KIF26B: variants seen among roughly 807,000 people sequenced by gnomAD.
KIF26B encodes the protein kinesin family member 26B, also known as kinesin-like protein KIF26B.
KIF26B carries 63 observed loss-of-function variants against 151.2 expected under a neutral mutation model. That is an observed-to-expected ratio of 0.42 (90% CI 0.34 to 0.51). The LOEUF (loss-of-function observed/expected upper bound fraction) is 0.51, where lower values mean the gene tolerates loss of function less well. KIF26B is among the 20% of genes least tolerant of loss of function. The pLI is 0.07. For synonymous variants in KIF26B, 1,357 were observed against 1,262.1 expected (o/e 1.08, Z -1.59); for missense variants, 2,813 against 2,913.6 (o/e 0.97, Z 0.79).
chr1:245,474,336 C>T (rs1028698207), intron 4 of KIF26B, among the ~76,000 whole-genome samples: 3 of 151,316 alleles, frequency 2.0e-5, no homozygotes, highest in African/African-American at 7.3e-5. Context: ...TCTTGATCTC[C>T]TGACCTCGTG....
intron 2 of KIF26B, among the ~76,000 whole-genome samples, chr1:245,327,029 A>C (rs541929278): frequency 1.3e-5 from 2 of 152,334 alleles, no homozygotes; most frequent in Admixed American, 1.3e-4. Flanking sequence ...TGAAAAAATT[A>C]TTCCAGGTTC....
intron 4 of KIF26B, among the ~76,000 whole-genome samples, chr1:245,448,037 C>T (rs1270658388): frequency 6.6e-6 from 1 of 152,242 alleles, no homozygotes; most frequent in Non-Finnish European, 1.5e-5. Flanking sequence ...GGGCTACGCC[C>T]CACTTTGGGG....
intron 2 of KIF26B, among the ~76,000 whole-genome samples, chr1:245,203,093 A>G (rs1469659481): frequency 6.6e-6 from 1 of 150,724 alleles, no homozygotes; most frequent in African/African-American, 2.4e-5. Flanking sequence ...CTAAAAATAC[A>G]AAAATTAGCC....
At chr1:245,586,158 AGTGTGTGTGTGTGTGT>A (rs10526699) in intron 5 of KIF26B, among the ~76,000 whole-genome samples, 24,389 of 142,116 alleles carry the variant, frequency 0.17, 2,184 homozygotes, top group Non-Finnish European at 0.2. Context: ...CACCATGACC[AGTGTGTGTGTGTGTGT>A]GTGTGTGTGT....
At chr1:245,542,117 C>A (rs1306223738) in intron 5 of KIF26B, among the ~76,000 whole-genome samples, 1 of 152,198 alleles carries the variant, frequency 6.6e-6, no homozygotes, top group Non-Finnish European at 1.5e-5. Flanking sequence ...CTTTGGGAGG[C>A]CACAGCAAGA....
chr1:245,485,453 G>A (rs976319363), intron 4 of KIF26B, among the ~76,000 whole-genome samples: 1 of 146,888 alleles, frequency 6.8e-6, no homozygotes, highest in Non-Finnish European at 1.5e-5. Flanking sequence ...GCGTGATCTC[G>A]GCTCACTGCA....
chr1:245,362,326 A>G (rs558997751), intron 2 of KIF26B, among the ~76,000 whole-genome samples: 61 of 150,136 alleles, frequency 4.1e-4, no homozygotes, highest in Non-Finnish European at 7.0e-4. Context: ...CAAGAGATCA[A>G]GACCATCCTG....
At chr1:245,695,486 T>C (rs192113331) in intron 12 of KIF26B, among the ~76,000 whole-genome samples, 1 of 152,136 alleles carries the variant, frequency 6.6e-6, no homozygotes, top group Non-Finnish European at 1.5e-5. Flanking sequence ...ATTCACGGGA[T>C]TGAGGTTCTG....
intron 4 of KIF26B, among the ~76,000 whole-genome samples, chr1:245,444,897 TA>T (rs957772552): frequency 6.6e-6 from 1 of 151,956 alleles, no homozygotes; most frequent in African/African-American, 2.4e-5. Context: ...TAGCCACGTG[TA>T]AAAAAAATTA....
intron 2 of KIF26B, among the ~76,000 whole-genome samples, chr1:245,174,663 C>A (rs1406048844): frequency 6.6e-6 from 1 of 152,134 alleles, no homozygotes; most frequent in Non-Finnish European, 1.5e-5. Flanking sequence ...TGTGCCACCA[C>A]ACCTGGCCCC....
chr1:245,527,352 G>A (rs1274913015), intron 4 of KIF26B, among the ~76,000 whole-genome samples: 4 of 151,976 alleles, frequency 2.6e-5, no homozygotes, highest in East Asian at 1.9e-4. Flanking sequence ...TTAATTAGCC[G>A]GTGATTGTCT....
intron 2 of KIF26B, among the ~76,000 whole-genome samples, chr1:245,280,851 G>A (rs1408571534): frequency 1.3e-4 from 13 of 98,878 alleles, no homozygotes; most frequent in South Asian, 3.9e-4. Context: ...GAGAATATGC[G>A]GTGTTTGGTT....
At chr1:245,484,761 T>A (rs866751129) in intron 4 of KIF26B, among the ~76,000 whole-genome samples, 286 of 136,276 alleles carry the variant, frequency 2.1e-3, no homozygotes, top group East Asian at 8.0e-3. Flanking sequence ...CTTCTTCTTC[T>A]TCTTCATATT....
At chr1:245,654,762 C>T (rs2044055692) in intron 10 of KIF26B, among the ~76,000 whole-genome samples, 3 of 152,192 alleles carry the variant, frequency 2.0e-5, no homozygotes, top group Non-Finnish European at 4.4e-5. Context: ...GCTTCCATCT[C>T]CCGCCCCTCC....
intron 2 of KIF26B, among the ~76,000 whole-genome samples, chr1:245,195,772 A>AGAT (rs1283284401): frequency 6.6e-6 from 1 of 152,248 alleles, no homozygotes; most frequent in Non-Finnish European, 1.5e-5. Flanking sequence ...GGGAAAAATA[A>AGAT]GATAGAAAGT....
intron 3 of KIF26B, among the ~76,000 whole-genome samples, chr1:245,396,615 A>G (rs1673850127): frequency 6.6e-6 from 1 of 151,020 alleles, no homozygotes; most frequent in Non-Finnish European, 1.5e-5. Flanking sequence ...CTGGGCAACG[A>G]CAACAGTGAA....
At chr1:245,620,398 T>TA (rs1176703308) in intron 9 of KIF26B, among the ~76,000 whole-genome samples, 3 of 142,898 alleles carry the variant, frequency 2.1e-5, no homozygotes, top group African/African-American at 4.9e-5. Context: ...TCAACATCGT[T>TA]AAAAAAAATT....
chr1:245,612,854 C>T (rs2103155324), intron 9 of KIF26B, among the ~76,000 whole-genome samples: 1 of 152,250 alleles, frequency 6.6e-6, no homozygotes, highest in Admixed American at 6.5e-5. Context: ...CTGCCAGGAA[C>T]CCAACACTGT....
chr1:245,382,323 A>G (rs974770787), intron 3 of KIF26B, among the ~76,000 whole-genome samples: 3 of 152,092 alleles, frequency 2.0e-5, no homozygotes, highest in Non-Finnish European at 4.4e-5. Flanking sequence ...GATGTTGAGC[A>G]TCTTTTCATG....
Sources: gnomAD v4.1 joint callset for allele counts (sites outside exome capture counted in the v4.1 genomes callset) on GRCh38, gnomAD v4.1.1 for gene constraint, MANE v1.5 for transcripts, NCBI Gene and HGNC (gene_info 2026-07-23, HGNC 2026-07-21) for gene names.